CNIH3: variants seen among roughly 807,000 people sequenced by gnomAD.
CNIH3 encodes the protein protein cornichon homolog 3.
Under a neutral mutation model 24.1 loss-of-function variants are expected in CNIH3, and 14 were observed. The ratio of observed to expected loss-of-function variants is 0.58; its 90% CI spans 0.38 to 0.91. The LOEUF (loss-of-function observed/expected upper bound fraction) is 0.91, where lower values mean the gene tolerates loss of function less well. Among genes scored for constraint, CNIH3 ranks in the 40% least tolerant of loss-of-function variants. CNIH3 has a pLI of 0.00. For missense variants in CNIH3, 178 were observed against 196.8 expected, an observed-to-expected ratio of 0.90 and a Z score of 0.57; for synonymous variants, 68 against 73.8, an observed-to-expected ratio of 0.92 and a Z score of 0.40.
intron 2 of CNIH3, among the ~76,000 whole-genome samples, chr1:224,522,586 A>G (rs1022519153): frequency 2.6e-5 from 4 of 152,246 alleles, no homozygotes; most frequent in African/African-American, 9.6e-5. Context: ...AAGGACAGTC[A>G]GTTCAATAGA....
At chr1:224,603,666 A>T (rs1572562356) in intron 3 of CNIH3, among the ~76,000 whole-genome samples, 1 of 152,346 alleles carries the variant, frequency 6.6e-6, no homozygotes, top group East Asian at 1.9e-4. Flanking sequence ...GTCAGCGTGC[A>T]AGAGACACTT....
chr1:224,662,382 T>A (rs1685405922), intron 1 of CNIH3, among the ~76,000 whole-genome samples: 1 of 152,168 alleles, frequency 6.6e-6, no homozygotes, highest in East Asian at 1.9e-4. Flanking sequence ...ATGGGTATTT[T>A]CACCAATAAC....
chr1:224,605,588 A>G (rs1045733217), intron 3 of CNIH3, among the ~76,000 whole-genome samples: 6 of 152,198 alleles, frequency 3.9e-5, no homozygotes, highest in Admixed American at 3.9e-4. Context: ...AACTTCCCCA[A>G]TTAATCTTGC....
chr1:224,531,061 A>G (rs992626544), intron 2 of CNIH3, among the ~76,000 whole-genome samples: 4 of 152,150 alleles, frequency 2.6e-5, no homozygotes, highest in African/African-American at 9.7e-5. Context: ...GCCTCTCTTC[A>G]TCTTCCAATT....
chr1:224,490,756 A>T (rs1342800027), intron 1 of CNIH3, among the ~76,000 whole-genome samples: 2 of 152,214 alleles, frequency 1.3e-5, no homozygotes, highest in Non-Finnish European at 2.9e-5. Flanking sequence ...ACTTCAGCGG[A>T]ATTAAATTTA....
chr1:224,588,090 T>A (rs1038420301), intron 5 of CNIH3, among the ~76,000 whole-genome samples: 1 of 152,206 alleles, frequency 6.6e-6, no homozygotes, highest in East Asian at 1.9e-4. Context: ...CCTAGATATT[T>A]GCTGTATTCT....
chr1:224,456,551 T>G lies in CNIH3; in HGVS notation n.203+21689T>G, dbSNP rs551245903. 2.2e-4 allele frequency among the ~76,000 whole-genome samples: 33 copies of G among 152,136 alleles called. No individual in the cohort carries two copies. The South Asian group carries it at 6.6e-3, about 31-fold the overall frequency. On this transcript the variant is annotated intron_variant and non_coding_transcript_variant, in intron 1 of 5. Coordinates refer to the CNIH3 transcript ENST00000471578. ...TCAGCTTCCCAAGCAGTTGGGACAA[T>G]AAGTGCGTGCCACCACACCCAGCTA...
At chr1:224,660,831 C>T (rs1685317273) in intron 1 of CNIH3, among the ~76,000 whole-genome samples, 1 of 152,226 alleles carries the variant, frequency 6.6e-6, no homozygotes. Context: ...GCTTGGCTCA[C>T]ATTTGCAGAC....
intron 3 of CNIH3, among the ~76,000 whole-genome samples, chr1:224,605,158 G>A (rs1558202646): frequency 6.6e-6 from 1 of 152,210 alleles, no homozygotes; most frequent in East Asian, 1.9e-4. Context: ...GCAAAGTACC[G>A]CAAACAGGAA....
chr1:224,448,334 T>C (rs943916646), intron 1 of CNIH3, among the ~76,000 whole-genome samples: 2 of 152,216 alleles, frequency 1.3e-5, no homozygotes, highest in Admixed American at 6.5e-5. Flanking sequence ...ACCTGTGAGA[T>C]GTCCCTTGAG....
intron 3 of CNIH3, among the ~76,000 whole-genome samples, chr1:224,691,846 C>T (rs1160434886): frequency 6.6e-6 from 1 of 152,186 alleles, no homozygotes; most frequent in East Asian, 1.9e-4. Flanking sequence ...TTATTCTTTG[C>T]CAGAGTCCAG....
chr1:224,494,719 A>G (rs1677365807), intron 1 of CNIH3, among the ~76,000 whole-genome samples: 1 of 152,110 alleles, frequency 6.6e-6, no homozygotes, highest in African/African-American at 2.4e-5. Context: ...TCCAACTTCC[A>G]CAGCTCCAAT....
chr1:224,658,236 G>A (rs998139945), intron 1 of CNIH3, among the ~76,000 whole-genome samples: 2 of 152,176 alleles, frequency 1.3e-5, no homozygotes, highest in Non-Finnish European at 2.9e-5. Flanking sequence ...CACAATCATG[G>A]CTCACTGCAA....
intron 1 of CNIH3, among the ~76,000 whole-genome samples, chr1:224,673,907 A>C (rs1685997993): frequency 6.6e-6 from 1 of 152,184 alleles, no homozygotes; most frequent in Non-Finnish European, 1.5e-5. Context: ...TAACCAGTCA[A>C]AGACTCAGAG....
intron 1 of CNIH3, among the ~76,000 whole-genome samples, chr1:224,476,292 C>A (rs1676584082): frequency 1.3e-5 from 2 of 152,100 alleles, no homozygotes. Flanking sequence ...GTCAAATTAG[C>A]CTTGTTTGCA....
At chr1:224,598,661 G>C (rs548147616) in intron 3 of CNIH3, among the ~76,000 whole-genome samples, 1 of 152,316 alleles carries the variant, frequency 6.6e-6, no homozygotes, top group African/African-American at 2.4e-5. Context: ...ACGTTGATCA[G>C]TCAGCAGCCA....
intron 3 of CNIH3, among the ~76,000 whole-genome samples, chr1:224,608,505 A>C (rs528923080): frequency 0.01 from 1,566 of 152,072 alleles, 12 homozygotes; most frequent in Non-Finnish European, 0.016. Context: ...TGACTGGGGG[A>C]TGCATGCACT....
intron 3 of CNIH3, chr1:224,546,963 A>T (rs989266376): frequency 1.1e-6 from 1 of 948,152 alleles, no homozygotes; most frequent in African/African-American, 1.8e-5. Context: ...AAGACACTCA[A>T]CCACTGAATT....
chr1:224,695,113 T>G (rs187864715), intron 3 of CNIH3, among the ~76,000 whole-genome samples: 1 of 152,310 alleles, frequency 6.6e-6, no homozygotes, highest in African/African-American at 2.4e-5. Context: ...AATTGGACTT[T>G]GAGTAAAGCA....
Sources: allele counts gnomAD v4.1 joint callset (sites outside exome capture counted in the v4.1 genomes callset), GRCh38; gene constraint gnomAD v4.1.1; transcripts MANE v1.5; gene names NCBI Gene and HGNC (gene_info 2026-07-23, HGNC 2026-07-21).